Variants in DMD observed in about 807,000 individuals in gnomAD.
DMD encodes the protein mutant dystrophin.
A neutral mutation model predicts 330.1 loss-of-function variants in DMD; 63 were observed. The observed-to-expected ratio is 0.19, with a 90% CI of 0.16 to 0.24. The LOEUF is 0.24. Ranked by LOEUF, DMD falls within the 10% of genes least tolerant of loss-of-function variation. The pLI, the probability that DMD is intolerant of heterozygous loss-of-function variation, is 1.00. For synonymous variants in DMD, 1,223 were observed against 959.8 expected (o/e 1.27, Z -5.07); for missense variants, 3,344 against 2,684.1 (o/e 1.25, Z -5.43).
chrX:31,370,845 G>A (rs892812572), intron 60 of DMD, among the ~76,000 whole-genome samples: 1 of 111,975 alleles, frequency 8.9e-6, no homozygotes, highest in Non-Finnish European at 1.9e-5. Flanking sequence ...TACAACTCAC[G>A]ATAAAAAGGA....
chrX:31,447,823 A>G (rs995490130), intron 59 of DMD, among the ~76,000 whole-genome samples: 1 of 108,458 alleles, frequency 9.2e-6, no homozygotes, highest in Middle Eastern at 4.3e-3. Flanking sequence ...ACTGGCCAAC[A>G]TGGTGAAACC....
At chrX:32,954,389 T>C (rs933443070) in intron 2 of DMD, among the ~76,000 whole-genome samples, 2 of 111,788 alleles carry the variant, frequency 1.8e-5, no homozygotes, top group African/African-American at 6.5e-5. Context: ...CTGATGGTGG[T>C]AGTGGTGGTG....
In DMD at chrX:32,455,066, C is replaced by T. The variant is rs138952244; in HGVS notation, c.3433-234G>A. 1.4e-3 allele frequency among the ~76,000 whole-genome samples: 157 copies of T among 110,478 alleles called. 9 individuals are homozygous for T. The East Asian group carries it at 0.041, about 29-fold the overall frequency. On this transcript the variant is annotated intron_variant, in intron 25 of 78. Coordinates refer to ENST00000357033, the MANE Select transcript of DMD (RefSeq NM_004006.3). ...TACTTAATAAAATGAACGTATTGCC[C>T]GATGATGATAATTCAGCTGTTTGTG... is the stretch of plus-strand genomic sequence containing the variant.
chrX:33,045,986 G>A (rs1045050884), intron 1 of DMD, among the ~76,000 whole-genome samples: 3 of 111,458 alleles, frequency 2.7e-5, no homozygotes, highest in Non-Finnish European at 3.8e-5. Flanking sequence ...AACTAAGGGC[G>A]GGATGCAGGT....
chrX:32,150,015 T>C (rs1271416816), intron 44 of DMD, among the ~76,000 whole-genome samples: 1 of 111,940 alleles, frequency 8.9e-6, no homozygotes, highest in Non-Finnish European at 1.9e-5. Context: ...CACAGGGACA[T>C]AAATTCCAGG....
chrX:31,374,958 C>T (rs1177155760), intron 60 of DMD, among the ~76,000 whole-genome samples: 2 of 111,583 alleles, frequency 1.8e-5, no homozygotes, highest in African/African-American at 3.3e-5. Context: ...GCTGCTGGCT[C>T]ACAGCTGGGG....
intron 2 of DMD, among the ~76,000 whole-genome samples, chrX:32,953,549 C>T (rs67294663): frequency 0.21 from 23,364 of 110,790 alleles, 1,855 homozygotes; most frequent in East Asian, 0.38. Flanking sequence ...TTAAATAGTT[C>T]GGAAAATTAA....
chrX:32,335,990 AC>A (rs1186180167), intron 41 of DMD, among the ~76,000 whole-genome samples: 3 of 32,046 alleles, frequency 9.4e-5, no homozygotes, highest in Admixed American at 5.0e-4. Flanking sequence ...GTTATATATA[AC>A]GTGTATATAT....
chrX:32,446,972 G>A (rs1455706496), intron 27 of DMD, among the ~76,000 whole-genome samples: 2 of 110,458 alleles, frequency 1.8e-5, no homozygotes, highest in Non-Finnish European at 3.8e-5. Context: ...TGAAAAGTTT[G>A]TTATTAATAC....
chrX:31,936,455 C>T (rs1436846376), intron 45 of DMD, among the ~76,000 whole-genome samples: 1 of 111,675 alleles, frequency 9.0e-6, no homozygotes, highest in Non-Finnish European at 1.9e-5. Flanking sequence ...AAGTATTCTA[C>T]TAATAGGAAA....
At chrX:32,132,626 C>G (rs72626012) in intron 44 of DMD, among the ~76,000 whole-genome samples, 1 of 110,956 alleles carries the variant, frequency 9.0e-6, no homozygotes, top group Non-Finnish European at 1.9e-5. Flanking sequence ...CATCTTTTTT[C>G]ATCCTACTAA....
At chrX:33,015,606 C>A (rs1240704255) in intron 2 of DMD, among the ~76,000 whole-genome samples, 2 of 110,090 alleles carry the variant, frequency 1.8e-5, no homozygotes, top group Non-Finnish European at 3.8e-5. Flanking sequence ...GTACAACCAA[C>A]CCCCGTGACA....
At chrX:33,058,517 A>G (rs2094545311) in intron 1 of DMD, among the ~76,000 whole-genome samples, 1 of 106,836 alleles carries the variant, frequency 9.4e-6, no homozygotes, top group Non-Finnish European at 1.9e-5. Flanking sequence ...TGCCCAGGAT[A>G]GTCTAAAACT....
At chrX:33,063,462 A>C (rs2094605566) in intron 1 of DMD, among the ~76,000 whole-genome samples, 1 of 111,850 alleles carries the variant, frequency 8.9e-6, no homozygotes, top group African/African-American at 3.2e-5. Flanking sequence ...TAAGATAGAT[A>C]ATAATTATAA....
chrX:32,928,484 A>AT (rs1209351440), intron 2 of DMD, among the ~76,000 whole-genome samples: 2 of 111,298 alleles, frequency 1.8e-5, no homozygotes, highest in Non-Finnish European at 1.9e-5. Context: ...GGTATGTGTG[A>AT]TTTTTTAAAT....
chrX:32,460,065 T>A (rs778230208), intron 25 of DMD, among the ~76,000 whole-genome samples: 2 of 110,343 alleles, frequency 1.8e-5, no homozygotes, highest in African/African-American at 3.3e-5. Context: ...AATGGGCAAA[T>A]AATCTGAACA....
At chrX:33,246,980 G>A (rs1162264430) in intron 1 of DMD, among the ~76,000 whole-genome samples, 4 of 111,421 alleles carry the variant, frequency 3.6e-5, no homozygotes, top group Admixed American at 9.6e-5. Flanking sequence ...CACCATGCCC[G>A]GCCAATTATC....
At chrX:33,064,234 TA>T (rs1569552343) in intron 1 of DMD, among the ~76,000 whole-genome samples, 1 of 111,183 alleles carries the variant, frequency 9.0e-6, no homozygotes, top group Non-Finnish European at 1.9e-5. Flanking sequence ...TATTTGTTAA[TA>T]AATGAAGAAC....
chrX:31,461,659 T>C (rs1248168984), intron 59 of DMD, among the ~76,000 whole-genome samples: 1 of 111,646 alleles, frequency 9.0e-6, no homozygotes, highest in East Asian at 2.8e-4. Flanking sequence ...TATCAAGCTA[T>C]TCATGGTAGG....
Sources: allele counts gnomAD v4.1 joint callset (sites outside exome capture counted in the v4.1 genomes callset), GRCh38; gene constraint gnomAD v4.1.1; transcripts MANE v1.5; gene names NCBI Gene and HGNC (gene_info 2026-07-23, HGNC 2026-07-21).